SLC14A2: variants seen among roughly 807,000 people sequenced by gnomAD.
SLC14A2 encodes the protein urea transporter 2.
In SLC14A2, 91 loss-of-function variants were observed where a neutral mutation model predicts 104.6. That is an observed-to-expected ratio of 0.87 (90% confidence interval 0.73 to 1.04). The LOEUF (loss-of-function observed/expected upper bound fraction) is 1.04. Among genes scored for constraint, SLC14A2 ranks in the 50% least tolerant of loss-of-function variants. SLC14A2 has a pLI of 0.00. For synonymous variants in SLC14A2, 476 were observed against 466.4 expected, an observed-to-expected ratio of 1.02 and a Z score of -0.27; for missense variants, 1,189 against 1,156.0, an observed-to-expected ratio of 1.03 and a Z score of -0.41.
At chr18:45,202,602 G>T in the SLC14A2 span, among the ~76,000 whole-genome samples, 10 of 152,140 alleles carry the variant, frequency 6.6e-5, no homozygotes, top group African/African-American at 2.4e-4. Flanking sequence ...TGGGGTTCTA[G>T]TCTTCTAGTT....
intron 1 of SLC14A2, among the ~76,000 whole-genome samples, chr18:45,482,997 A>T (rs1373083759): frequency 2.0e-5 from 3 of 152,236 alleles, no homozygotes; most frequent in Non-Finnish European, 4.4e-5. Context: ...ATATATTTGC[A>T]TGTATACATA....
At chr18:45,342,832 A>T (rs2085409633) in intron 1 of SLC14A2, among the ~76,000 whole-genome samples, 1 of 152,164 alleles carries the variant, frequency 6.6e-6, no homozygotes, top group African/African-American at 2.4e-5. Context: ...GATTCTCTGA[A>T]ACTTGAGCTC....
chr18:45,553,123 C>T (rs2144288065), intron 2 of SLC14A2, among the ~76,000 whole-genome samples: 1 of 152,286 alleles, frequency 6.6e-6, no homozygotes, highest in East Asian at 1.9e-4. Flanking sequence ...CCCTGTTTGT[C>T]ATTTAATAAC....
At position 45,308,159 on chromosome 18, in the gene SLC14A2, TCTAACA is replaced by T. The variant is rs894151946; in HGVS notation, c.-125+94971_-125+94976del. Among the ~76,000 whole-genome samples, 44 of 152,298 alleles carry T rather than the reference TCTAACA, an allele frequency of 2.9e-4. 1 individual carries two copies. The highest frequency in any genetic ancestry group is 2.6e-3 in the Admixed American group (40 of 15,298). On this transcript the variant is annotated intron_variant, in intron 1 of 20. Transcript: ENST00000586448. ...CAAACACCTCCCGGTATGTCCCACC[TCTAACA>T]CTGGGGATCACATTTCAATATGAGA...
rs71177674 is a variant in SLC14A2 at position 45,414,757 on chromosome 18, A to AATATATATATATATAT, written c.-124-68452_-124-68437dup. On this transcript the variant is annotated intron_variant, in intron 1 of 20. Coordinates refer to the SLC14A2 transcript ENST00000586448. Reference sequence around the variant, plus strand: ...AGGCACCGAGCGTAAAAAAAAAAAAAATATATATATATATATATATATATA... The same window carrying AATATATATATATATAT: ...AGGCACCGAGCGTAAAAAAAAAAAAAATATATATATATATATATATATATATATATATATATATATA... Among the ~76,000 whole-genome samples, 29 of 76,066 alleles carry AATATATATATATATAT rather than the reference A, an allele frequency of 3.8e-4. 1 individual carries two copies. Among genetic ancestry groups the AATATATATATATATAT allele is most frequent in the African/African-American group, 1.1e-3 (14 of 12,994 alleles). 49.9% of individuals were successfully genotyped at this position (76,066 alleles called of 152,430 possible).
intron 2 of SLC14A2, among the ~76,000 whole-genome samples, chr18:45,565,489 G>T (rs2044254359): frequency 6.6e-6 from 1 of 152,214 alleles, no homozygotes. Flanking sequence ...GCACGTGTAA[G>T]CATGTGTAGG....
chr18:45,573,057 T>C (rs2044371489), intron 2 of SLC14A2, among the ~76,000 whole-genome samples: 1 of 152,080 alleles, frequency 6.6e-6, no homozygotes, highest in African/African-American at 2.4e-5. Flanking sequence ...AAACCAAGAC[T>C]CAGAGTGAGT....
intron 2 of SLC14A2, chr18:45,507,485 A>T (rs557888099): frequency 6.6e-6 from 1 of 152,222 alleles, no homozygotes; most frequent in African/African-American, 2.4e-5. Context: ...GACCAGGCTG[A>T]CCCTCAGGTC....
In SLC14A2 at chr18:45,397,080, G is replaced by A. The variant is rs778203072; in HGVS notation, c.-124-86153G>A. Among the ~76,000 whole-genome samples, 12 of 152,158 alleles carry A rather than the reference G, an allele frequency of 7.9e-5. No individual in the cohort carries two copies. In the East Asian group the frequency reaches 9.6e-4, roughly 12 times the overall value. On this transcript the variant is annotated intron_variant, in intron 1 of 20. Transcript: ENST00000586448. ...CCAGTCTGTCATTGACGGGCATTTA[G>A]GTTGATTCTGTGTTTTGCTATTGTG...
intron 5 of SLC14A2, among the ~76,000 whole-genome samples, chr18:45,636,722 C>T (rs986963514): frequency 5.9e-5 from 9 of 151,456 alleles, no homozygotes; most frequent in Admixed American, 4.6e-4. Flanking sequence ...AAATAAGTTA[C>T]GATATTTTTA....
At chr18:45,538,338 T>C (rs1050341503) in intron 2 of SLC14A2, among the ~76,000 whole-genome samples, 11 of 152,230 alleles carry the variant, frequency 7.2e-5, no homozygotes, top group Admixed American at 5.9e-4. Context: ...CCAATGGCTT[T>C]GGGATCTTTT....
At chr18:45,191,660 C>T in the SLC14A2 span, among the ~76,000 whole-genome samples, 1 of 152,154 alleles carries the variant, frequency 6.6e-6, no homozygotes, top group Admixed American at 6.5e-5. Context: ...AATTCTAGGG[C>T]TTTCTCCAAA....
chr18:45,509,133 A>C (rs920906747), intron 2 of SLC14A2, among the ~76,000 whole-genome samples: 1 of 152,210 alleles, frequency 6.6e-6, no homozygotes, highest in African/African-American at 2.4e-5. Context: ...TGAAGACTCT[A>C]TGTGTCCCTT....
chr18:45,407,622 A>T (rs1356636189), intron 1 of SLC14A2, among the ~76,000 whole-genome samples: 1 of 152,156 alleles, frequency 6.6e-6, no homozygotes, highest in East Asian at 1.9e-4. Context: ...TCAAAAACTT[A>T]ATCATGTCTA....
rs2046327928 is a variant in SLC14A2 at position 45,682,621 on chromosome 18, G to A, written c.*102G>A. On this transcript the variant is annotated 3_prime_UTR_variant, in exon 20 of 20. Transcript: ENST00000255226. ...TAGCCTTCCCTTTGGTCTGTTCTGT[G>A]ACTCTCTCCCCAAACACAAAGAAGC... 3 of 917,102 alleles carry A rather than the reference G, an allele frequency of 3.3e-6. No homozygotes were observed. Among genetic ancestry groups the A allele is most frequent in the Non-Finnish European group, 5.4e-6 (3 of 559,536 alleles). The allele number at this position is 917,102 out of a possible 1,614,324, so 56.8% of individuals were successfully genotyped here.
At chr18:45,265,665 G>C (rs907377656) in intron 1 of SLC14A2, among the ~76,000 whole-genome samples, 1 of 152,152 alleles carries the variant, frequency 6.6e-6, no homozygotes, top group Non-Finnish European at 1.5e-5. Flanking sequence ...ATTTAAAAAC[G>C]GATGATTTGG....
At chr18:45,199,824 C>T in the SLC14A2 span, among the ~76,000 whole-genome samples, 1 of 152,152 alleles carries the variant, frequency 6.6e-6, no homozygotes, top group Non-Finnish European at 1.5e-5. Context: ...CTTCAATAGC[C>T]TGGGAACCAC....
intron 1 of SLC14A2, among the ~76,000 whole-genome samples, chr18:45,368,352 C>A (rs1598727676): frequency 6.6e-6 from 1 of 152,262 alleles, no homozygotes. Context: ...AAACAGAATA[C>A]TTAAGATAAC....
At chr18:45,544,594 TA>T (rs2043940311) in intron 2 of SLC14A2, among the ~76,000 whole-genome samples, 1 of 152,082 alleles carries the variant, frequency 6.6e-6, no homozygotes, top group South Asian at 2.1e-4. Flanking sequence ...AAAAAACAAT[TA>T]AAATCACCCA....
Sources: gnomAD v4.1 joint callset for allele counts (sites outside exome capture counted in the v4.1 genomes callset) on GRCh38, gnomAD v4.1.1 for gene constraint, MANE v1.5 for transcripts, NCBI Gene and HGNC (gene_info 2026-07-23, HGNC 2026-07-21) for gene names.